MAP3K21: variants seen among roughly 807,000 people sequenced by gnomAD.
MAP3K21 encodes mitogen-activated protein kinase kinase kinase MLK4.
Under a neutral mutation model 86.1 loss-of-function variants are expected in MAP3K21, and 63 were observed. That is an observed-to-expected ratio of 0.73 (90% CI 0.60 to 0.90). MAP3K21 has a LOEUF of 0.90. MAP3K21 is among the 40% of genes least tolerant of loss of function. The probability of loss-of-function intolerance (pLI) is 0.00; values close to 1 mark genes in which losing one functional copy is unlikely to be tolerated. For synonymous variants in MAP3K21, 558 were observed against 564.8 expected (o/e 0.99, Z 0.17); for missense variants, 1,220 against 1,367.7 (o/e 0.89, Z 1.70).
chr1:233,379,615 TACAGCAG>T lies in MAP3K21; in HGVS notation c.2613_2619del (p.Gln871HisfsTer78). 6.2e-7 allele frequency: 1 copy of T among 1,613,934 alleles called. No individual in the cohort carries two copies. Among genetic ancestry groups the T allele is most frequent in the Non-Finnish European group, 8.5e-7 (1 of 1,179,796 alleles). On this transcript the variant is annotated frameshift_variant, in exon 9 of 10. Transcript: ENST00000366624. LOFTEE classifies it high-confidence loss of function. Reference sequence around the variant, plus strand: ...TCAAGAAACTTGCCGTCTTCCTTCCTACAGCAGACATGTGGGAATGTACCTTACTGTG... The same window carrying T: ...TCAAGAAACTTGCCGTCTTCCTTCCTACATGTGGGAATGTACCTTACTGTG...
Position 233,328,133 on chromosome 1 carries a change from G to A in MAP3K21, c.105G>A (p.Ser35=), listed in dbSNP as rs558393786. The A allele has an allele frequency of 2.1e-6, 3 of 1,415,252 alleles. No homozygotes were observed. The highest frequency in any genetic ancestry group is 1.5e-5 in the South Asian group (1 of 67,750). The allele number at this position is 1,415,252 out of a possible 1,614,324, so 87.7% of individuals were successfully genotyped here. A position where few individuals can be genotyped will look rare whatever the true frequency, so the allele number is the denominator to read the frequency against. The change falls in exon 1 of 10, where the codon TCG becomes TCA. Residue 35 remains serine (S), a synonymous_variant. Coordinates refer to ENST00000366624, the MANE Select transcript of MAP3K21 (RefSeq NM_032435.3). The surrounding 1 kb of genome is among the most constrained non-coding windows in gnomAD (Gnocchi z 8.7). The part of the protein sequence containing the change: ...ASSSSTSSGG[S]ASAGAGLWAA... ...CGTCGTCCACCTCCTCGGGCGGCTC[G>A]GCCTCGGCGGGCGCGGGGCTGTGGG...
At chr1:233,339,470 C>CCTT (rs141155520) in intron 1 of MAP3K21, among the ~76,000 whole-genome samples, 1 of 130,418 alleles carries the variant, frequency 7.7e-6, no homozygotes, top group African/African-American at 2.9e-5. Context: ...TCCTCCTTCT[C>CCTT]CTTCTTCTTC....
rs1007321871 is a variant in MAP3K21, at chr1:233,328,413, C to G, written c.385C>G (p.Leu129Val). The G allele has an allele frequency of 9.4e-6, 14 of 1,492,972 alleles. No individual in the cohort carries two copies. In the African/African-American group the frequency reaches 2.0e-4, roughly 22 times the overall value. 92.5% of individuals were successfully genotyped at this position (1,492,972 alleles called of 1,614,324 possible). A position where few individuals can be genotyped will look rare whatever the true frequency, so the allele number is the denominator to read the frequency against. Residue 129 changes from leucine (L) to valine (V), a missense_variant, in exon 1 of 10, where the codon CTC becomes GTC. By Grantham distance (32) the Leu-to-Val change is conservative. This residue lies in a region of MAP3K21 where 369 missense variants were observed against 385.3 expected (regional missense o/e 0.96). Coordinates refer to ENST00000366624, the MANE Select transcript of MAP3K21 (RefSeq NM_032435.3). This position sits in a 1 kb window ranked among gnomAD's most constrained non-coding sequence, Gnocchi z 8.7. ...CTTCGAGCGGCTGGAGCTGAAGGAG[C>G]TCATCGGCGCTGGGGGCTTCGGGCA... ...VAFERLELKELIGAGGFGQVY... is the reference protein window; with the variant it reads ...VAFERLELKEVIGAGGFGQVY...
chr1:233,347,062 A>G (rs1663155960), intron 2 of MAP3K21, among the ~76,000 whole-genome samples: 1 of 151,938 alleles, frequency 6.6e-6, no homozygotes, highest in Non-Finnish European at 1.5e-5. Flanking sequence ...GTGTGTGTAG[A>G]GGAGCGGGGG....
intron 4 of MAP3K21, among the ~76,000 whole-genome samples, 175 bp from the exon 5 acceptor site, chr1:233,361,878 C>A (rs1663471084): frequency 6.6e-6 from 1 of 152,188 alleles, no homozygotes; most frequent in African/African-American, 2.4e-5. Flanking sequence ...ACTGCAAAGA[C>A]CTTCGTCCCA....
At chr1:233,355,431 C>T (rs1005514158) in intron 4 of MAP3K21, among the ~76,000 whole-genome samples, 2 of 152,158 alleles carry the variant, frequency 1.3e-5, no homozygotes, top group African/African-American at 2.4e-5. Flanking sequence ...GATTTAAGAA[C>T]GTGTCTGTTG....
chr1:233,369,676 T>G (rs1663647312), intron 5 of MAP3K21, among the ~76,000 whole-genome samples: 1 of 152,162 alleles, frequency 6.6e-6, no homozygotes, highest in African/African-American at 2.4e-5. Context: ...TGACATGATA[T>G]GAAACTGATA....
At chr1:233,339,486 CTT>C (rs746238626) in intron 1 of MAP3K21, among the ~76,000 whole-genome samples, 1 of 85,228 alleles carries the variant, frequency 1.2e-5, no homozygotes, top group Non-Finnish European at 2.3e-5. Flanking sequence ...TCTTCTTCTT[CTT>C]TTTTTTTTTT....
chr1:233,348,914 C>T (rs1663198269), intron 2 of MAP3K21, among the ~76,000 whole-genome samples: 2 of 152,182 alleles, frequency 1.3e-5, no homozygotes, highest in African/African-American at 4.8e-5. Flanking sequence ...TTTGGAAACA[C>T]TAGAAGTTAG....
intron 4 of MAP3K21, among the ~76,000 whole-genome samples, chr1:233,358,473 G>GTT (rs58298146): frequency 0.048 from 6,759 of 141,584 alleles, 223 homozygotes; most frequent in African/African-American, 0.075. Flanking sequence ...ACTCTAATTT[G>GTT]TTTTTTTTTT....
chr1:233,379,957 A>T (rs1663882996), intron 9 of MAP3K21, among the ~76,000 whole-genome samples: 2 of 152,238 alleles, frequency 1.3e-5, no homozygotes, highest in Admixed American at 6.5e-5. Flanking sequence ...GAAAGAACAC[A>T]TGGAGAATAA....
chr1:233,353,732 G>A lies in MAP3K21; in HGVS notation c.987-75G>A, dbSNP rs543622046. 7.4e-6 allele frequency: 10 copies of A among 1,357,620 alleles called. No homozygotes were observed. The South Asian group carries it at 1.7e-4, about 23-fold the overall frequency. 84.1% of individuals were successfully genotyped at this position (1,357,620 alleles called of 1,614,324 possible). On this transcript the variant is annotated intron_variant, in intron 2 of 9. Coordinates refer to ENST00000366624, the MANE Select transcript of MAP3K21 (RefSeq NM_032435.3). ...TAGGAATGGATGAAGGTACTGAAGG[G>A]TTTATCTCACTAAGTGTGTCATAAG...
Position 233,362,070 on chromosome 1 carries a change from A to G in MAP3K21, c.1329A>G (p.Glu443=), listed in dbSNP as rs1365113184. 1.2e-6 allele frequency: 2 copies of G among 1,612,568 alleles called. No homozygotes were observed. The highest frequency in any genetic ancestry group is 1.7e-6 in the Non-Finnish European group (2 of 1,179,386). Residue 443 remains glutamate (E), a synonymous_variant, in exon 5 of 10, where the codon GAA becomes GAG. Transcript: ENST00000366624. ...TGTCGCAGGAGCTGCGATCCCGGGA[A>G]GAGGAGCTGACTCGGGCGGCTCTGC... ...RTKEKELRSR[E]EELTRAALQQ...
chr1:233,371,097 A>G lies in MAP3K21; in HGVS notation c.1553-941A>G, dbSNP rs189208737. Among the ~76,000 whole-genome samples the G allele has an allele frequency of 2.0e-3, 307 of 152,334 alleles. 1 individual carries two copies. Among genetic ancestry groups the G allele is most frequent in the Non-Finnish European group, 3.5e-3 (237 of 68,036 alleles). On this transcript the variant is annotated intron_variant, in intron 5 of 9. Transcript: ENST00000366624. ...ATTGCTTTCTCTTCCATATGAACCT[A>G]TAGATCTTGGTATATCTCTACCATA...
intron 1 of MAP3K21, among the ~76,000 whole-genome samples, chr1:233,338,042 G>A (rs990692862): frequency 6.6e-6 from 1 of 152,130 alleles, no homozygotes; most frequent in Admixed American, 6.5e-5. Context: ...TTCTGCCTCA[G>A]TATGCTTTAT....
chr1:233,360,853 G>A (rs1465107445), intron 4 of MAP3K21, among the ~76,000 whole-genome samples: 1 of 152,022 alleles, frequency 6.6e-6, no homozygotes, highest in African/African-American at 2.4e-5. Context: ...TTTAAAGTGT[G>A]GCCTGTTTAT....
rs1334455553 is a variant in MAP3K21 at position 233,382,765 on chromosome 1, A to C, written c.*54A>C. On this transcript the variant is annotated 3_prime_UTR_variant, in exon 10 of 10. Transcript: ENST00000366624. ...TTTTTTAAGGTGAACAAATGAACAC[A>C]ATGTATCTACCTTTGAACTGTTTCA... 1 of 1,469,388 alleles carries C rather than the reference A, an allele frequency of 6.8e-7. No individual in the cohort carries two copies. Among genetic ancestry groups the C allele is most frequent in the Non-Finnish European group, 9.4e-7 (1 of 1,064,068 alleles). The allele number at this position is 1,469,388 out of a possible 1,614,324, so 91.0% of individuals were successfully genotyped here.
chr1:233,328,635 GC>G lies in MAP3K21; in HGVS notation c.610del (p.Arg204AlafsTer41). 1 of 1,450,404 alleles carries G rather than the reference GC, an allele frequency of 6.9e-7. No homozygotes were observed. The highest frequency in any genetic ancestry group is 9.1e-7 in the Non-Finnish European group (1 of 1,103,844). The allele number at this position is 1,450,404 out of a possible 1,614,324, so 89.8% of individuals were successfully genotyped here. On this transcript the variant is annotated frameshift_variant, in exon 1 of 10. Transcript: ENST00000366624. LOFTEE classifies it high-confidence loss of function. This position sits in a 1 kb window ranked among gnomAD's most constrained non-coding sequence, Gnocchi z 8.7. ...QPHLCLVLEF[A>X]RGGALNRALA... Reference sequence around the variant, plus strand: ...GCACCTCTGCCTGGTGCTGGAGTTCGCCCGCGGCGGAGCGCTCAACCGAGCG... The same window carrying G: ...GCACCTCTGCCTGGTGCTGGAGTTCGCCGCGGCGGAGCGCTCAACCGAGCG...
intron 5 of MAP3K21, among the ~76,000 whole-genome samples, chr1:233,364,013 CA>C (rs1025566213): frequency 1.3e-4 from 18 of 141,606 alleles, no homozygotes; most frequent in East Asian, 2.0e-4. Flanking sequence ...GACTCTGTCT[CA>C]AAAAAAAAAG....
Sources: allele counts gnomAD v4.1 joint callset (sites outside exome capture counted in the v4.1 genomes callset), GRCh38; gene constraint gnomAD v4.1.1; regional missense constraint gnomAD v4.1.1; non-coding constraint Gnocchi (gnomAD v3.1); transcripts MANE v1.5; gene names NCBI Gene and HGNC (gene_info 2026-07-23, HGNC 2026-07-21).